The following GALNT13 variants were observed in gnomAD, a reference collection of about 807,000 sequenced individuals.
GALNT13 encodes UDP-GalNAc:polypeptide N-acetylgalactosaminyltransferase 13.
Under a neutral mutation model 64.2 loss-of-function variants are expected in GALNT13, and 28 were observed. The observed-to-expected ratio is 0.44, with a 90% CI of 0.32 to 0.60. The LOEUF is 0.60. Ranked by LOEUF, GALNT13 falls within the 20% of genes least tolerant of loss-of-function variation. The pLI is 0.05. For synonymous variants in GALNT13, 214 were observed against 224.6 expected, an observed-to-expected ratio of 0.95 and a Z score of 0.42; for missense variants, 577 against 669.8, an observed-to-expected ratio of 0.86 and a Z score of 1.53.
the GALNT13 span, among the ~76,000 whole-genome samples, chr2:153,619,964 T>C: frequency 6.6e-6 from 1 of 152,124 alleles, no homozygotes; most frequent in Non-Finnish European, 1.5e-5. Flanking sequence ...TCCATAACCT[T>C]CTTTTAATTA....
At chr2:153,733,729 T>C in the GALNT13 span, among the ~76,000 whole-genome samples, 1 of 152,112 alleles carries the variant, frequency 6.6e-6, no homozygotes, top group Non-Finnish European at 1.5e-5. Context: ...TGGTGGAAAG[T>C]GGAAGCCACT....
the GALNT13 span, among the ~76,000 whole-genome samples, chr2:153,648,185 G>A: frequency 1.9e-3 from 294 of 152,060 alleles, no homozygotes; most frequent in African/African-American, 6.5e-3. Context: ...CCTTCACATC[G>A]CTTGTAAGTT....
intron 3 of GALNT13, among the ~76,000 whole-genome samples, chr2:153,995,879 A>G (rs1695490303): frequency 6.6e-6 from 1 of 152,070 alleles, no homozygotes; most frequent in African/African-American, 2.4e-5. Flanking sequence ...CTCCACTTCT[A>G]TGAGATCAAC....
At chr2:153,478,448 C>G in the GALNT13 span, 6 of 1,613,874 alleles carry the variant, frequency 3.7e-6, no homozygotes, top group South Asian at 3.3e-5. Context: ...TCCGCGAAGC[C>G]GTCGTCGGTC....
At chr2:154,418,461 GAGA>G (rs1391906295) in intron 11 of GALNT13, among the ~76,000 whole-genome samples, 1 of 152,160 alleles carries the variant, frequency 6.6e-6, no homozygotes, top group Admixed American at 6.5e-5. Context: ...GAAGCAGAGG[GAGA>G]AGAAAAGGTG....
the GALNT13 span, among the ~76,000 whole-genome samples, chr2:153,716,622 T>C: frequency 6.6e-6 from 1 of 152,186 alleles, no homozygotes; most frequent in Non-Finnish European, 1.5e-5. Flanking sequence ...ATTGTTGCAG[T>C]CATATTGTAA....
intron 9 of GALNT13, among the ~76,000 whole-genome samples, chr2:154,367,906 TAA>T (rs967563850): frequency 4.1e-4 from 62 of 152,226 alleles, no homozygotes; most frequent in African/African-American, 1.3e-3. Context: ...ATACTGTGAG[TAA>T]AAAGTTCAAG....
chr2:153,471,880 T>C, the GALNT13 span, among the ~76,000 whole-genome samples: 1 of 152,212 alleles, frequency 6.6e-6, no homozygotes, highest in Admixed American at 6.5e-5. Context: ...CATTGTTTTA[T>C]TGTAAACAAA....
At chr2:153,786,866 A>G in the GALNT13 span, among the ~76,000 whole-genome samples, 1 of 152,122 alleles carries the variant, frequency 6.6e-6, no homozygotes, top group Non-Finnish European at 1.5e-5. Flanking sequence ...CAGTTGATCC[A>G]AGGATAGGAG....
At chr2:154,251,115 G>C (rs1389924176) in intron 7 of GALNT13, among the ~76,000 whole-genome samples, 1 of 152,040 alleles carries the variant, frequency 6.6e-6, no homozygotes, top group African/African-American at 2.4e-5. Flanking sequence ...GACTTTCTTA[G>C]CAGCCTGTTG....
the GALNT13 span, among the ~76,000 whole-genome samples, chr2:153,400,375 T>A: frequency 6.6e-6 from 1 of 152,308 alleles, no homozygotes; most frequent in African/African-American, 2.4e-5. Context: ...AGGATATTGG[T>A]CTAAAATTCT....
the GALNT13 span, among the ~76,000 whole-genome samples, chr2:153,266,562 A>C: frequency 3.7e-5 from 4 of 109,300 alleles, no homozygotes; most frequent in African/African-American, 1.2e-4. Flanking sequence ...TACCTTCTTC[A>C]CAAGGTGGCA....
chr2:154,304,944 A>G (rs1291165686), intron 9 of GALNT13, among the ~76,000 whole-genome samples: 2 of 152,172 alleles, frequency 1.3e-5, no homozygotes, highest in East Asian at 3.9e-4. Flanking sequence ...TCCACCAGCA[A>G]TAGTGTGGGC....
intron 1 of GALNT13, among the ~76,000 whole-genome samples, chr2:153,891,016 C>T (rs187423056): frequency 4.5e-4 from 69 of 152,106 alleles, no homozygotes; most frequent in African/African-American, 1.6e-3. Context: ...TATTCCTATA[C>T]TTGAATAAAT....
chr2:153,919,383 A>G (rs1689601533), intron 2 of GALNT13, among the ~76,000 whole-genome samples: 1 of 152,012 alleles, frequency 6.6e-6, no homozygotes, highest in Admixed American at 6.6e-5. Flanking sequence ...AAAATATACC[A>G]GCAGATTTGT....
chr2:153,934,633 A>G (rs1473811842), intron 2 of GALNT13, among the ~76,000 whole-genome samples: 3 of 152,188 alleles, frequency 2.0e-5, no homozygotes, highest in African/African-American at 4.8e-5. Context: ...TGAAGATGCT[A>G]TGACTATAAA....
chr2:153,293,085 A>ATT, the GALNT13 span, among the ~76,000 whole-genome samples: 4 of 151,652 alleles, frequency 2.6e-5, no homozygotes, highest in Non-Finnish European at 5.9e-5. Flanking sequence ...TCATCCAGGC[A>ATT]TTTTTTTACT....
At chr2:153,994,584 T>A (rs1695392512) in intron 3 of GALNT13, among the ~76,000 whole-genome samples, 2 of 152,168 alleles carry the variant, frequency 1.3e-5, no homozygotes, top group South Asian at 4.1e-4. Flanking sequence ...ACCTGTTGTT[T>A]CCTGACTTTT....
the GALNT13 span, among the ~76,000 whole-genome samples, chr2:153,124,280 T>C: frequency 1.3e-5 from 2 of 152,236 alleles, no homozygotes; most frequent in Non-Finnish European, 2.9e-5. Context: ...TATGAGATCC[T>C]GAGCCAGAGA....
Sources: allele counts gnomAD v4.1 joint callset (sites outside exome capture counted in the v4.1 genomes callset), GRCh38; gene constraint gnomAD v4.1.1; transcripts MANE v1.5; gene names NCBI Gene and HGNC (gene_info 2026-07-23, HGNC 2026-07-21).